RBFOX1: variants seen among roughly 807,000 people sequenced by gnomAD.
RBFOX1 encodes RNA binding fox-1 homolog 1, also known as RNA binding protein fox-1 homolog 1.
A neutral mutation model predicts 57.7 loss-of-function variants in RBFOX1; 8 were observed. The observed-to-expected ratio is 0.14, with a 90% CI of 0.08 to 0.25. The LOEUF is 0.25. RBFOX1 is among the 10% of genes least tolerant of loss of function. The pLI is 1.00. For missense variants in RBFOX1, 611 were observed against 548.5 expected (o/e 1.11, Z -1.14); for synonymous variants, 326 against 222.4 (o/e 1.47, Z -4.15).
At chr16:6,223,989 T>A (rs2097397132) in intron 1 of RBFOX1, among the ~76,000 whole-genome samples, 1 of 152,156 alleles carries the variant, frequency 6.6e-6, no homozygotes, top group Non-Finnish European at 1.5e-5. Context: ...TTTTGTCAGG[T>A]TTGTCAAAGA....
At chr16:5,633,964 C>A (rs966134491) in intron 3 of RBFOX1, among the ~76,000 whole-genome samples, 2 of 152,140 alleles carry the variant, frequency 1.3e-5, no homozygotes, top group Admixed American at 1.3e-4. Flanking sequence ...TATCACGATG[C>A]CCATTTGAAG....
intron 4 of RBFOX1, among the ~76,000 whole-genome samples, chr16:7,323,783 TGAA>T (rs1314106685): frequency 2.6e-5 from 4 of 152,302 alleles, no homozygotes; most frequent in African/African-American, 9.6e-5. Context: ...TTAGTGATGA[TGAA>T]GAAGATGAAG....
intron 3 of RBFOX1, among the ~76,000 whole-genome samples, chr16:5,611,750 T>C (rs58219069): frequency 2.4e-3 from 16 of 6,794 alleles, no homozygotes; most frequent in Admixed American, 2.5e-3. Flanking sequence ...ATCCATCCAT[T>C]CACCCTTCTT....
At chr16:7,393,429 A>C (rs1215117544) in intron 4 of RBFOX1, among the ~76,000 whole-genome samples, 2 of 152,180 alleles carry the variant, frequency 1.3e-5, no homozygotes, top group African/African-American at 4.8e-5. Context: ...ACTCAAGTAC[A>C]CACTTATAGG....
chr16:5,867,321 A>G (rs1490802089), exon 4 of RBFOX1: 4 of 1,210,948 alleles, frequency 3.3e-6, no homozygotes, highest in Non-Finnish European at 4.1e-6. Context: ...AAGTCAGGCT[A>G]CAGGCAAAGC....
intron 3 of RBFOX1, among the ~76,000 whole-genome samples, chr16:6,880,203 A>AAG (rs56900024): frequency 0.25 from 38,386 of 151,952 alleles, 5,075 homozygotes; most frequent in African/African-American, 0.32. Context: ...TAAGGTATAA[A>AAG]AGAGCAAAAT....
intron 2 of RBFOX1, among the ~76,000 whole-genome samples, chr16:6,509,763 G>A (rs1028876088): frequency 6.6e-6 from 1 of 152,108 alleles, no homozygotes. Flanking sequence ...TGATTATTAA[G>A]CATTGCAGAT....
At chr16:6,493,696 C>T (rs1380957914) in intron 2 of RBFOX1, among the ~76,000 whole-genome samples, 7 of 152,130 alleles carry the variant, frequency 4.6e-5, no homozygotes, top group Non-Finnish European at 8.8e-5. Flanking sequence ...TCAAACTGAA[C>T]TTCATACCTT....
At chr16:6,650,971 C>T (rs556267644) in intron 2 of RBFOX1, among the ~76,000 whole-genome samples, 203 of 152,266 alleles carry the variant, frequency 1.3e-3, no homozygotes, top group African/African-American at 2.4e-3. Flanking sequence ...GGCATGATCC[C>T]GGCTTACTGC....
intron 2 of RBFOX1, among the ~76,000 whole-genome samples, chr16:6,561,787 G>A (rs1304017710): frequency 6.6e-6 from 1 of 152,184 alleles, no homozygotes; most frequent in African/African-American, 2.4e-5. Context: ...TTAGTGGACA[G>A]ATTTCTGAAC....
intron 1 of RBFOX1, among the ~76,000 whole-genome samples, chr16:6,311,513 C>G (rs913169942): frequency 6.6e-6 from 1 of 152,122 alleles, no homozygotes; most frequent in Admixed American, 6.5e-5. Context: ...ATGCTGTCCT[C>G]ACTGTGTGAA....
At chr16:5,939,133 C>T (rs192438343) in intron 4 of RBFOX1, among the ~76,000 whole-genome samples, 33 of 152,242 alleles carry the variant, frequency 2.2e-4, no homozygotes, top group Admixed American at 2.0e-3. Flanking sequence ...AGGAGATATA[C>T]CTCATGTAAA....
Position 6,654,651 on chromosome 16 carries a change from G to A in RBFOX1, c.-16+1G>A. On this transcript the variant is annotated splice_donor_variant, in intron 3 of 15. Transcript: ENST00000550418. LOFTEE classifies it low-confidence loss of function (5UTR_SPLICE). ...CTGCGTGGAAATAGAAGACAGAAAG[G>A]TGAGTCAATATTTTTCATTTTTAGG... 6.6e-7 allele frequency: 1 copy of A among 1,508,402 alleles called. No individual in the cohort carries two copies. Among genetic ancestry groups the A allele is most frequent in the Non-Finnish European group, 8.8e-7 (1 of 1,137,138 alleles). The allele number at this position is 1,508,402 out of a possible 1,614,324, so 93.4% of individuals were successfully genotyped here.
At chr16:6,398,639 A>T (rs1296919366) in intron 2 of RBFOX1, among the ~76,000 whole-genome samples, 1 of 152,230 alleles carries the variant, frequency 6.6e-6, no homozygotes, top group Admixed American at 6.5e-5. Context: ...CTTTGACTCC[A>T]TGTCTCACTT....
intron 4 of RBFOX1, among the ~76,000 whole-genome samples, chr16:5,903,162 A>C (rs1047681760): frequency 1.3e-5 from 2 of 151,984 alleles, no homozygotes; most frequent in African/African-American, 4.8e-5. Flanking sequence ...CTGTATGGGA[A>C]ATATGTTCTG....
At chr16:5,822,334 T>A (rs1431606477) in intron 3 of RBFOX1, among the ~76,000 whole-genome samples, 1 of 152,204 alleles carries the variant, frequency 6.6e-6, no homozygotes, top group Non-Finnish European at 1.5e-5. Flanking sequence ...GTGCAGTGTT[T>A]ACTGCTTGGG....
intron 3 of RBFOX1, among the ~76,000 whole-genome samples, chr16:6,836,677 C>T (rs546111151): frequency 4.6e-5 from 7 of 152,140 alleles, no homozygotes; most frequent in Non-Finnish European, 1.0e-4. Flanking sequence ...TCTTATGCCC[C>T]TAATTTATCC....
chr16:5,637,349 A>G (rs2048714725), intron 3 of RBFOX1, among the ~76,000 whole-genome samples: 1 of 152,138 alleles, frequency 6.6e-6, no homozygotes, highest in Non-Finnish European at 1.5e-5. Flanking sequence ...TAGATAGGTA[A>G]GTGGTCTCCA....
intron 3 of RBFOX1, among the ~76,000 whole-genome samples, chr16:5,717,770 G>C (rs1008639919): frequency 9.9e-5 from 15 of 152,200 alleles, no homozygotes; most frequent in Non-Finnish European, 1.9e-4. Flanking sequence ...TTTGCAAGAA[G>C]ATTTGGTACT....
Sources: gnomAD v4.1 joint callset for allele counts (sites outside exome capture counted in the v4.1 genomes callset) on GRCh38, gnomAD v4.1.1 for gene constraint, MANE v1.5 for transcripts, NCBI Gene and HGNC (gene_info 2026-07-23, HGNC 2026-07-21) for gene names.